The following G3BP1 variants were observed in gnomAD, a reference collection of about 807,000 sequenced individuals.
G3BP1 encodes ras GTPase-activating protein-binding protein 1.
G3BP1 carries 35 observed loss-of-function variants against 58.6 expected under a neutral mutation model. That is an observed-to-expected ratio of 0.60 (90% CI 0.46 to 0.79). The LOEUF is 0.79. Ranked by LOEUF, G3BP1 falls within the 30% of genes least tolerant of loss-of-function variation. G3BP1 has a pLI of 0.00. For synonymous variants in G3BP1, 191 were observed against 195.4 expected, an observed-to-expected ratio of 0.98 and a Z score of 0.19; for missense variants, 523 against 580.8, an observed-to-expected ratio of 0.90 and a Z score of 1.02.
At chr5:151,778,435 CTTAA>C (rs1344406667) in intron 1 of G3BP1, among the ~76,000 whole-genome samples, 1 of 151,932 alleles carries the variant, frequency 6.6e-6, no homozygotes. Context: ...GGATTGGTTA[CTTAA>C]TTATTAATTT....
chr5:151,801,564 A>G (rs1396463430), intron 11 of G3BP1, among the ~76,000 whole-genome samples: 1 of 152,186 alleles, frequency 6.6e-6, no homozygotes, highest in African/African-American at 2.4e-5. Flanking sequence ...AAAATGTACA[A>G]CTTAATTGCA....
At chr5:151,776,540 G>A (rs1417577414) in intron 1 of G3BP1, among the ~76,000 whole-genome samples, 2 of 152,080 alleles carry the variant, frequency 1.3e-5, no homozygotes, top group Admixed American at 6.5e-5. Context: ...CTCGTCTGCA[G>A]CTATTATTAC....
intron 6 of G3BP1, among the ~76,000 whole-genome samples, chr5:151,796,815 C>G (rs1224084917): frequency 6.6e-6 from 1 of 152,070 alleles, no homozygotes; most frequent in African/African-American, 2.4e-5. Context: ...TTTCACCTTA[C>G]AACTTTTATT....
chr5:151,804,300 G>C lies in G3BP1; in HGVS notation c.*209G>C. On this transcript the variant is annotated 3_prime_UTR_variant, in exon 12 of 12. Transcript: ENST00000356245. Reference sequence around the variant, plus strand: ...TTTAGTCTTTCACTTCCAATTTTGTGGAATGATATTTTAGGAATAACGGAC... The same window carrying C: ...TTTAGTCTTTCACTTCCAATTTTGTCGAATGATATTTTAGGAATAACGGAC... 2 of 395,056 alleles carry C rather than the reference G, an allele frequency of 5.1e-6. No homozygotes were observed. Among genetic ancestry groups the C allele is most frequent in the Admixed American group, 8.9e-5 (2 of 22,532 alleles). 24.5% of individuals were successfully genotyped at this position (395,056 alleles called of 1,614,324 possible).
At chr5:151,772,576 A>G (rs1561528439) in intron 1 of G3BP1, 1 of 152,332 alleles carries the variant, frequency 6.6e-6, no homozygotes, top group Non-Finnish European at 1.5e-5. Flanking sequence ...TGGTAGTAAC[A>G]ACCAATGTTC....
intron 4 of G3BP1, chr5:151,791,782 G>A: frequency 5.0e-6 from 1 of 198,456 alleles, no homozygotes; most frequent in South Asian, 7.5e-5. Flanking sequence ...TCAGCCTCCC[G>A]AGTAGCTGGG....
At chr5:151,785,026 T>A (rs1193232001) in intron 1 of G3BP1, among the ~76,000 whole-genome samples, 1 of 152,246 alleles carries the variant, frequency 6.6e-6, no homozygotes, top group African/African-American at 2.4e-5. Context: ...GAAAATTAAA[T>A]GCTAATTGAG....
rs1381635409 is a variant in G3BP1, at chr5:151,790,519, G to T, written c.177+115G>T. On this transcript the variant is annotated intron_variant, in intron 3 of 11. Transcript: ENST00000356245. ...AAAGATCCAGTTTCTCAACTTTTTA[G>T]TAAAAGTTGATGTGTTTTATTACTA... 7.5e-6 allele frequency: 4 copies of T among 531,060 alleles called. No individual in the cohort carries two copies. In the Admixed American group the frequency reaches 1.1e-4, roughly 15 times the overall value. 32.9% of individuals were successfully genotyped at this position (531,060 alleles called of 1,614,324 possible).
At chr5:151,785,165 A>G (rs1762536733) in intron 1 of G3BP1, among the ~76,000 whole-genome samples, 1 of 152,230 alleles carries the variant, frequency 6.6e-6, no homozygotes, top group South Asian at 2.1e-4. Context: ...CTTTTAAAGT[A>G]CATTAGTCTA....
Position 151,782,849 on chromosome 5 carries a change from C to CTTTT in G3BP1, c.-49-3700_-49-3697dup, listed in dbSNP as rs796501774. 2.0e-4 allele frequency among the ~76,000 whole-genome samples: 15 copies of CTTTT among 73,922 alleles called. 1 individual carries two copies. The highest frequency in any genetic ancestry group is 3.8e-4 in the African/African-American group (7 of 18,262). The allele number at this position is 73,922 out of a possible 152,430, so 48.5% of individuals were successfully genotyped here. A position where few individuals can be genotyped will look rare whatever the true frequency, so the allele number is the denominator to read the frequency against. On this transcript the variant is annotated intron_variant, in intron 1 of 11. Transcript: ENST00000356245. Reference sequence around the variant, plus strand: ...AAACACTGTCTTTTCTGTGACTCATCTTTTTTTTTTTTTTTTTTTTTTTTT... The same window carrying CTTTT: ...AAACACTGTCTTTTCTGTGACTCATCTTTTTTTTTTTTTTTTTTTTTTTTTTTTT...
intron 5 of G3BP1, 43 bp downstream of exon 5, chr5:151,794,292 T>TA (rs1561535427): frequency 8.9e-7 from 1 of 1,117,718 alleles, no homozygotes; most frequent in Admixed American, 1.7e-5. Context: ...AAATTTTTTT[T>TA]AATGGCATCC....
At position 151,786,731 on chromosome 5, in the gene G3BP1, C is replaced by G; in HGVS notation, c.95+16C>G. The G allele has an allele frequency of 1.4e-6, 2 of 1,391,728 alleles. No homozygotes were observed. Among genetic ancestry groups the G allele is most frequent in the Non-Finnish European group, 2.0e-6 (2 of 976,822 alleles). The allele number at this position is 1,391,728 out of a possible 1,614,324, so 86.2% of individuals were successfully genotyped here. ...TGCTGCATAGGTAAGACATTTTTCT[C>G]CTGCATCATCTAATGCTGTCTTTTA... On this transcript the variant is annotated intron_variant, in intron 2 of 11. Coordinates refer to ENST00000356245, the MANE Select transcript of G3BP1 (RefSeq NM_005754.3).
At chr5:151,775,968 A>C (rs139916099) in intron 1 of G3BP1, among the ~76,000 whole-genome samples, 2 of 152,354 alleles carry the variant, frequency 1.3e-5, no homozygotes, top group African/African-American at 2.4e-5. Context: ...ATCCAAGTAC[A>C]TTTAACAGAA....
intron 1 of G3BP1, among the ~76,000 whole-genome samples, chr5:151,778,127 T>G (rs75530440): frequency 6.6e-6 from 1 of 152,182 alleles, no homozygotes; most frequent in African/African-American, 2.4e-5. Context: ...AATAGGGGAA[T>G]GTTTAGATCA....
rs1161210951 is a variant in G3BP1 at position 151,811,175 on chromosome 5, T to G, written c.*7084T>G. ...CTCTCAGCTTCACTTAACCTCTTAC[T>G]CCAGCCTACTTTATACACAATGTTA... On this transcript the variant is annotated 3_prime_UTR_variant, in exon 12 of 12. Coordinates refer to ENST00000356245, the MANE Select transcript of G3BP1 (RefSeq NM_005754.3). 2 of 152,178 alleles carry G rather than the reference T, an allele frequency of 1.3e-5. No individual in the cohort carries two copies. Among genetic ancestry groups the G allele is most frequent in the Admixed American group, 1.3e-4 (2 of 15,266 alleles). 9.4% of individuals were successfully genotyped at this position (152,178 alleles called of 1,614,324 possible).
Position 151,807,307 on chromosome 5 carries a change from C to G in G3BP1, c.*3216C>G, listed in dbSNP as rs574022959. 6.6e-6 allele frequency: 1 copy of G among 152,266 alleles called. No individual in the cohort carries two copies. Among genetic ancestry groups the G allele is most frequent in the South Asian group, 2.1e-4 (1 of 4,828 alleles). The allele number at this position is 152,266 out of a possible 1,614,324, so 9.4% of individuals were successfully genotyped here. ...ACAGGCTTCCAAGTCATCCATGTAG[C>G]AAGGAGCACATTTGCCTCCCAAACT... On this transcript the variant is annotated 3_prime_UTR_variant, in exon 12 of 12. Coordinates refer to ENST00000356245, the MANE Select transcript of G3BP1 (RefSeq NM_005754.3).
At chr5:151,800,449 A>G (rs748836518) in intron 10 of G3BP1, 103 bp downstream of exon 10, 73 of 774,666 alleles carry the variant, frequency 9.4e-5, no homozygotes, top group Non-Finnish European at 1.3e-4. Flanking sequence ...ATTTTCTAGT[A>G]GTCATGGTTA....
intron 1 of G3BP1, among the ~76,000 whole-genome samples, chr5:151,775,501 A>G (rs1762353536): frequency 6.6e-6 from 1 of 152,256 alleles, no homozygotes; most frequent in Non-Finnish European, 1.5e-5. Context: ...TTATTTCCTT[A>G]ATTGAAAAAT....
intron 1 of G3BP1, among the ~76,000 whole-genome samples, chr5:151,778,814 T>G (rs917635980): frequency 6.8e-6 from 1 of 147,322 alleles, no homozygotes; most frequent in Non-Finnish European, 1.5e-5. Flanking sequence ...CCCAGCACTT[T>G]GGGAGGCCGA....
Sources: gnomAD v4.1 joint callset for allele counts (sites outside exome capture counted in the v4.1 genomes callset) on GRCh38, gnomAD v4.1.1 for gene constraint, MANE v1.5 for transcripts, NCBI Gene and HGNC (gene_info 2026-07-23, HGNC 2026-07-21) for gene names.